ENOSF1: variants seen among roughly 807,000 people sequenced by gnomAD.
ENOSF1 encodes the protein enolase superfamily member 1, also known as mitochondrial enolase superfamily member 1.
In ENOSF1, 73 loss-of-function variants were observed where a neutral mutation model predicts 68.2. That is an observed-to-expected ratio of 1.07 (90% CI 0.89 to 1.30). ENOSF1 has a LOEUF of 1.30. Ranked by LOEUF, ENOSF1 falls within the 50% of genes most tolerant of loss-of-function variation. ENOSF1 has a pLI of 0.00. For synonymous variants in ENOSF1, 223 were observed against 210.4 expected (o/e 1.06, Z -0.52); for missense variants, 589 against 554.5 (o/e 1.06, Z -0.62).
intron 5 of ENOSF1, chr18:693,180 T>C (rs2077377636): frequency 7.8e-7 from 1 of 1,289,036 alleles, no homozygotes; most frequent in Admixed American, 2.3e-5. Context: ...TCACCCCTGC[T>C]ATGAAAAGGT....
In ENOSF1 at chr18:670,708, G is replaced by A. The variant is rs147721429; in HGVS notation, c.*3597C>T. 271 of 1,613,620 alleles carry A rather than the reference G, an allele frequency of 1.7e-4. 1 individual carries two copies. The highest frequency in any genetic ancestry group is 2.1e-4 in the Non-Finnish European group (247 of 1,179,880). ...GTTCCTCAGATCTTCCTCTGATGGC[G>A]CTGCCTCCATGCCATGCCCTCTGCC... On this transcript the variant is annotated 3_prime_UTR_variant, in exon 16 of 16. Transcript: ENST00000647584.
downstream of ENOSF1, among the ~76,000 whole-genome samples, chr18:670,077 C>A (rs1320454683): frequency 6.7e-6 from 1 of 148,938 alleles, no homozygotes; most frequent in Non-Finnish European, 1.5e-5. Flanking sequence ...ACAGTCTCAC[C>A]CTGTTGCCCA....
At chr18:679,201 C>A (rs866181393) in intron 11 of ENOSF1, among the ~76,000 whole-genome samples, 2 of 134,520 alleles carry the variant, frequency 1.5e-5, no homozygotes, top group South Asian at 2.5e-4. Context: ...CTAGAACCCT[C>A]TCATATCTTT....
intron 5 of ENOSF1, chr18:692,679 G>C (rs1440477937): frequency 4.1e-6 from 4 of 984,888 alleles, no homozygotes. Flanking sequence ...AAAAATGGAG[G>C]GTCCACAGGT....
chr18:691,328 A>G, intron 5 of ENOSF1, 52 bp from the exon 6 acceptor site: 1 of 1,473,346 alleles, frequency 6.8e-7, no homozygotes, highest in African/African-American at 1.4e-5. Context: ...AAGGTGGGTT[A>G]TATTTTGTTT....
intron 1 of ENOSF1, chr18:712,272 C>A (rs1319263934): frequency 6.5e-7 from 1 of 1,529,692 alleles, no homozygotes; most frequent in Non-Finnish European, 8.8e-7. Flanking sequence ...TTTACAGAAG[C>A]AATGGGTTCG....
rs143228323 is a variant in ENOSF1 at position 706,801 on chromosome 18, G to GTGTATATA, written c.85-224_85-223insTATATACA. On this transcript the variant is annotated intron_variant, in intron 1 of 15. Coordinates refer to ENST00000647584, the MANE Select transcript of ENOSF1 (RefSeq NM_017512.7). The stretch of plus-strand genomic sequence containing the variant: ...AAATGTTTCAACAAGAGCAATGTAT[G>GTGTATATA]TATATATATATATATTTTTTTTTTT... 381 of 151,200 alleles carry GTGTATATA rather than the reference G, an allele frequency of 2.5e-3. 4 individuals carry two copies. Among genetic ancestry groups the GTGTATATA allele is most frequent in the East Asian group, 0.012 (65 of 5,648 alleles). The allele number at this position is 151,200 out of a possible 1,614,324, so 9.4% of individuals were successfully genotyped here.
Position 670,946 on chromosome 18 carries a change from C to G in ENOSF1, c.*3359G>C, listed in dbSNP as rs1330012461. On this transcript the variant is annotated 3_prime_UTR_variant, in exon 16 of 16. Coordinates refer to ENST00000647584, the MANE Select transcript of ENOSF1 (RefSeq NM_017512.7). ...TTCTTTAATATGGGAAAACAAATTG[C>G]AGAGTTTAGTCTCTGATTAGCTTTT... 45 of 1,503,948 alleles carry G rather than the reference C, an allele frequency of 3.0e-5. No individual in the cohort carries two copies. The highest frequency in any genetic ancestry group is 4.1e-5 in the Non-Finnish European group (45 of 1,103,810). The allele number at this position is 1,503,948 out of a possible 1,614,324, so 93.2% of individuals were successfully genotyped here.
rs1335621025 is a variant in ENOSF1 at position 673,873 on chromosome 18, G to A, written c.*432C>T. On this transcript the variant is annotated 3_prime_UTR_variant, in exon 16 of 16. Coordinates refer to ENST00000647584, the MANE Select transcript of ENOSF1 (RefSeq NM_017512.7). Reference sequence around the variant, plus strand: ...TGCAAAACCACTTCGGGGTTAATCAGTGAAATATTTTTCCCTTCGTTGCAT... The same window carrying A: ...TGCAAAACCACTTCGGGGTTAATCAATGAAATATTTTTCCCTTCGTTGCAT... 6.5e-6 allele frequency: 1 copy of A among 153,662 alleles called. No individual in the cohort carries two copies. Among genetic ancestry groups the A allele is most frequent in the Non-Finnish European group, 1.4e-5 (1 of 69,302 alleles). The allele number at this position is 153,662 out of a possible 1,614,324, so 9.5% of individuals were successfully genotyped here. A position where few individuals can be genotyped will look rare whatever the true frequency, so the allele number is the denominator to read the frequency against.
At chr18:683,863 A>G (rs1325596279) in intron 10 of ENOSF1, among the ~76,000 whole-genome samples, 1 of 151,950 alleles carries the variant, frequency 6.6e-6, no homozygotes, top group Non-Finnish European at 1.5e-5. Context: ...CTCTCCCATA[A>G]TGGCACACCT....
chr18:693,912 G>C lies in ENOSF1; in HGVS notation c.397-4C>G. The C allele has an allele frequency of 1.2e-6, 2 of 1,613,910 alleles. No homozygotes were observed. The highest frequency in any genetic ancestry group is 1.6e-4 in the Middle Eastern group (1 of 6,062). On this transcript the variant is annotated splice_region_variant and splice_polypyrimidine_tract_variant and intron_variant, in intron 4 of 15. Coordinates refer to ENST00000647584, the MANE Select transcript of ENOSF1 (RefSeq NM_017512.7). ...CCACAAGTAACTTCCAGACAGGCTTGAAGTAAAAAAGAAAGGATTTGTAAG... is the reference window on the plus strand; with the variant it reads ...CCACAAGTAACTTCCAGACAGGCTTCAAGTAAAAAAGAAAGGATTTGTAAG...
chr18:680,726 G>A (rs1233552701), intron 11 of ENOSF1, among the ~76,000 whole-genome samples: 2 of 145,240 alleles, frequency 1.4e-5, no homozygotes, highest in Admixed American at 7.0e-5. Context: ...TGTCGCCCAG[G>A]CTGGAGTGCA....
At chr18:690,987 A>T in intron 7 of ENOSF1, 81 bp downstream of exon 7, 1 of 1,488,960 alleles carries the variant, frequency 6.7e-7, no homozygotes, top group Non-Finnish European at 9.3e-7. Context: ...TGGGAAGACA[A>T]TGTGTACCCC....
intron 8 of ENOSF1, among the ~76,000 whole-genome samples, chr18:689,786 G>A (rs921916519): frequency 6.6e-6 from 1 of 152,168 alleles, no homozygotes; most frequent in Non-Finnish European, 1.5e-5. Context: ...GAACGAGAGA[G>A]CCCTGCTGAG....
At chr18:676,008 G>C (rs495139) in intron 14 of ENOSF1, among the ~76,000 whole-genome samples, 94,993 of 151,938 alleles carry the variant, frequency 0.63, 29,822 homozygotes, top group African/African-American at 0.71. Flanking sequence ...ATCTAAGGAA[G>C]CAAACCCAGA....
intron 5 of ENOSF1, chr18:691,513 T>A (rs1426170933): frequency 2.3e-6 from 1 of 435,386 alleles, no homozygotes; most frequent in African/African-American, 2.0e-5. Context: ...GCCCGGCTAA[T>A]TTATTTTTAT....
downstream of ENOSF1, among the ~76,000 whole-genome samples, chr18:666,909 T>TGATGGTGATGGTGATGGAGATGGTGATGG (rs2074829917): frequency 2.4e-5 from 1 of 41,492 alleles, no homozygotes; most frequent in Non-Finnish European, 5.2e-5. Flanking sequence ...ATGGAGATGG[T>TGATGGTGATGGTGATGGAGATGGTGATGG]GATGGTGATG....
rs1568001047 is a variant in ENOSF1, at chr18:673,909, C to G, written c.*396G>C. ...TTCCCTTCGTTGCATACCAGATACCCCCGGTGTTGCACGACTATTTTTATT... is the reference window on the plus strand; with the variant it reads ...TTCCCTTCGTTGCATACCAGATACCGCCGGTGTTGCACGACTATTTTTATT... On this transcript the variant is annotated 3_prime_UTR_variant, in exon 16 of 16. Transcript: ENST00000647584. The G allele has an allele frequency of 6.4e-6, 1 of 155,340 alleles. No individual in the cohort carries two copies. The highest frequency in any genetic ancestry group is 1.4e-5 in the Non-Finnish European group (1 of 70,522). 9.6% of individuals were successfully genotyped at this position (155,340 alleles called of 1,614,324 possible).
chr18:692,626 A>T, intron 5 of ENOSF1: 4 of 803,860 alleles, frequency 5.0e-6, no homozygotes, highest in Non-Finnish European at 5.9e-6. Flanking sequence ...AAAGAAAAAA[A>T]GAAAAAAGAA....
Sources: gnomAD v4.1 joint callset for allele counts (sites outside exome capture counted in the v4.1 genomes callset) on GRCh38, gnomAD v4.1.1 for gene constraint, MANE v1.5 for transcripts, NCBI Gene and HGNC (gene_info 2026-07-23, HGNC 2026-07-21) for gene names.